The following NKAIN2 variants were observed in gnomAD, a reference collection of about 807,000 sequenced individuals.
NKAIN2 encodes the protein sodium/potassium-transporting ATPase subunit beta-1-interacting protein 2.
Under a neutral mutation model 32.6 loss-of-function variants are expected in NKAIN2, and 14 were observed. That is an observed-to-expected ratio of 0.43 (90% CI 0.28 to 0.67). The LOEUF is 0.67. Ranked by LOEUF, NKAIN2 falls within the 30% of genes least tolerant of loss-of-function variation. The pLI, the probability that NKAIN2 is intolerant of heterozygous loss-of-function variation, is 0.17. For missense variants in NKAIN2, 198 were observed against 258.3 expected, an observed-to-expected ratio of 0.77 and a Z score of 1.60; for synonymous variants, 80 against 87.2, an observed-to-expected ratio of 0.92 and a Z score of 0.46.
chr6:123,897,709 G>A (rs574700405), intron 1 of NKAIN2, among the ~76,000 whole-genome samples: 1 of 151,996 alleles, frequency 6.6e-6, no homozygotes, highest in Non-Finnish European at 1.5e-5. Context: ...TTACTACCAA[G>A]CAATGTCTGG....
intron 4 of NKAIN2, among the ~76,000 whole-genome samples, chr6:124,732,814 C>G (rs1209687320): frequency 6.6e-6 from 1 of 151,858 alleles, no homozygotes; most frequent in Non-Finnish European, 1.5e-5. Flanking sequence ...AGTAATCATT[C>G]TACTAGATAT....
chr6:124,111,789 T>C (rs1172124305), intron 1 of NKAIN2, among the ~76,000 whole-genome samples: 1 of 151,996 alleles, frequency 6.6e-6, no homozygotes, highest in Admixed American at 6.6e-5. Flanking sequence ...TTTTTTTTGG[T>C]ATTGTTATGC....
chr6:124,692,403 C>T (rs1055215964), intron 4 of NKAIN2, among the ~76,000 whole-genome samples: 2 of 152,094 alleles, frequency 1.3e-5, no homozygotes, highest in Non-Finnish European at 1.5e-5. Flanking sequence ...ATAAACAAAG[C>T]TCTGTGAGAT....
At chr6:124,706,456 C>G (rs1304670034) in intron 4 of NKAIN2, among the ~76,000 whole-genome samples, 2 of 151,900 alleles carry the variant, frequency 1.3e-5, no homozygotes, top group Non-Finnish European at 2.9e-5. Context: ...AAATATGATT[C>G]TATGTCAGCT....
At chr6:124,707,232 G>GT (rs1482580993) in intron 4 of NKAIN2, among the ~76,000 whole-genome samples, 3 of 152,000 alleles carry the variant, frequency 2.0e-5, no homozygotes, top group Non-Finnish European at 2.9e-5. Context: ...TCTTAATCCA[G>GT]TCTATCATTG....
intron 2 of NKAIN2, among the ~76,000 whole-genome samples, chr6:124,304,852 T>C (rs1429913555): frequency 1.3e-5 from 2 of 152,066 alleles, no homozygotes; most frequent in Non-Finnish European, 2.9e-5. Context: ...AGGTGGAGAC[T>C]GTAGTGAGCC....
intron 1 of NKAIN2, among the ~76,000 whole-genome samples, chr6:123,930,629 TTTAATAGTATAACAAA>T (rs749252323): frequency 4.6e-5 from 7 of 152,202 alleles, no homozygotes; most frequent in Non-Finnish European, 8.8e-5. Flanking sequence ...AGATACACAA[TTTAATAGTATAACAAA>T]TCCCCTAGAA....
intron 1 of NKAIN2, among the ~76,000 whole-genome samples, chr6:124,093,338 G>A (rs952866600): frequency 1.3e-5 from 2 of 152,038 alleles, no homozygotes; most frequent in African/African-American, 2.4e-5. Flanking sequence ...AAGTGTAGAA[G>A]CTCCAAAGCC....
intron 1 of NKAIN2, among the ~76,000 whole-genome samples, chr6:124,040,001 A>G (rs234478): frequency 0.47 from 71,291 of 151,716 alleles, 17,533 homozygotes; most frequent in East Asian, 0.8. Context: ...CTTAACACAG[A>G]ACAAGTGTGT....
chr6:124,021,330 G>T (rs931555006), intron 1 of NKAIN2, among the ~76,000 whole-genome samples: 9 of 151,828 alleles, frequency 5.9e-5, no homozygotes, highest in African/African-American at 1.7e-4. Flanking sequence ...TTGAAAGGTG[G>T]TTACAAACCA....
At chr6:123,919,476 A>G (rs1244797115) in intron 1 of NKAIN2, among the ~76,000 whole-genome samples, 1 of 152,146 alleles carries the variant, frequency 6.6e-6, no homozygotes. Flanking sequence ...TTTTGAAGTG[A>G]AATTCCAAAA....
At chr6:124,329,033 G>A (rs1445074714) in intron 2 of NKAIN2, among the ~76,000 whole-genome samples, 1 of 152,146 alleles carries the variant, frequency 6.6e-6, no homozygotes, top group Non-Finnish European at 1.5e-5. Flanking sequence ...TAAAACCACA[G>A]CCCCACTGCT....
intron 1 of NKAIN2, among the ~76,000 whole-genome samples, chr6:124,186,983 T>G (rs1214581537): frequency 4.6e-5 from 7 of 152,158 alleles, no homozygotes; most frequent in African/African-American, 1.7e-4. Flanking sequence ...TTAAAAATTT[T>G]TACTTAAACT....
intron 3 of NKAIN2, among the ~76,000 whole-genome samples, chr6:124,397,568 A>G (rs1343794420): frequency 6.6e-6 from 1 of 151,700 alleles, no homozygotes; most frequent in African/African-American, 2.4e-5. Context: ...ATTAAGCCAG[A>G]TTTTGAACCC....
At chr6:124,395,107 A>T (rs1583180904) in intron 3 of NKAIN2, among the ~76,000 whole-genome samples, 1 of 152,214 alleles carries the variant, frequency 6.6e-6, no homozygotes, top group East Asian at 1.9e-4. Context: ...AAAAATAGAC[A>T]AAATTAAACA....
At chr6:124,074,007 A>G (rs1458050212) in intron 1 of NKAIN2, among the ~76,000 whole-genome samples, 1 of 152,188 alleles carries the variant, frequency 6.6e-6, no homozygotes, top group East Asian at 1.9e-4. Flanking sequence ...TTGTACTCAC[A>G]GTTTCATGGC....
At chr6:124,629,912 A>T (rs1389184290) in intron 3 of NKAIN2, among the ~76,000 whole-genome samples, 2 of 152,094 alleles carry the variant, frequency 1.3e-5, no homozygotes, top group African/African-American at 4.8e-5. Flanking sequence ...ATATATTTAG[A>T]CTTTAGGTTC....
chr6:124,577,304 G>C (rs1781368449), intron 3 of NKAIN2, among the ~76,000 whole-genome samples: 1 of 152,134 alleles, frequency 6.6e-6, no homozygotes, highest in Non-Finnish European at 1.5e-5. Context: ...GCAAGGAAGA[G>C]GAAAGGAAAG....
chr6:124,805,652 G>C (rs1374590779), intron 5 of NKAIN2, among the ~76,000 whole-genome samples: 3 of 152,236 alleles, frequency 2.0e-5, no homozygotes, highest in Admixed American at 2.0e-4. Flanking sequence ...GAATGACTTT[G>C]ACGAGTTGAG....
Sources: gnomAD v4.1 joint callset for allele counts (sites outside exome capture counted in the v4.1 genomes callset) on GRCh38, gnomAD v4.1.1 for gene constraint, MANE v1.5 for transcripts, NCBI Gene and HGNC (gene_info 2026-07-23, HGNC 2026-07-21) for gene names.